The following LRMDA variants were observed in gnomAD, a reference collection of about 807,000 sequenced individuals.
LRMDA encodes leucine rich melanocyte differentiation associated, also known as leucine-rich melanocyte differentiation-associated protein.
In LRMDA, 18 loss-of-function variants were observed where a neutral mutation model predicts 29.8. That is an observed-to-expected ratio of 0.60 (90% CI 0.42 to 0.90). The LOEUF is 0.90. Ranked by LOEUF, LRMDA falls within the 40% of genes least tolerant of loss-of-function variation. LRMDA has a pLI of 0.00. For synonymous variants in LRMDA, 125 were observed against 109.4 expected (o/e 1.14, Z -0.89); for missense variants, 273 against 273.9 (o/e 1.00, Z 0.02).
intron 6 of LRMDA, among the ~76,000 whole-genome samples, chr10:76,532,300 C>A (rs1197218325): frequency 1.3e-5 from 2 of 152,150 alleles, no homozygotes; most frequent in African/African-American, 4.8e-5. Flanking sequence ...ATCATTGTGG[C>A]CATCACATAA....
chr10:75,780,487 G>T (rs1843368217), intron 2 of LRMDA, among the ~76,000 whole-genome samples: 1 of 152,198 alleles, frequency 6.6e-6, no homozygotes, highest in African/African-American at 2.4e-5. Context: ...GGAGCCATCA[G>T]GGAGACCACA....
chr10:75,649,910 T>C (rs1405618836), intron 2 of LRMDA, among the ~76,000 whole-genome samples: 1 of 152,232 alleles, frequency 6.6e-6, no homozygotes, highest in Non-Finnish European at 1.5e-5. Context: ...ATTGGCCATA[T>C]GCATATGTTT....
At chr10:75,858,316 A>C (rs1241323000) in intron 2 of LRMDA, among the ~76,000 whole-genome samples, 1 of 152,156 alleles carries the variant, frequency 6.6e-6, no homozygotes, top group Admixed American at 6.5e-5. Context: ...ACAAGCTAAA[A>C]TATATCCATA....
chr10:76,424,939 C>T (rs1000792303), intron 6 of LRMDA, among the ~76,000 whole-genome samples: 1 of 152,184 alleles, frequency 6.6e-6, no homozygotes, highest in Non-Finnish European at 1.5e-5. Context: ...TCTTCTAAAC[C>T]TTAACCCATC....
At position 76,559,747 on chromosome 10, in the gene LRMDA, C is replaced by T. The variant is rs1167677835; in HGVS notation, c.*2459C>T. 6.6e-6 allele frequency: 1 copy of T among 152,220 alleles called. No individual in the cohort carries two copies. Among genetic ancestry groups the T allele is most frequent in the African/African-American group, 2.4e-5 (1 of 41,460 alleles). 9.4% of individuals were successfully genotyped at this position (152,220 alleles called of 1,614,324 possible). ...GTACCCCCTTTACCCTTTGGTCTTT[C>T]TTCCTTTTATCCTATTCCACTGAGC... On this transcript the variant is annotated 3_prime_UTR_variant, in exon 7 of 7. Coordinates refer to ENST00000611255, the MANE Select transcript of LRMDA (RefSeq NM_001305581.2).
chr10:75,718,001 A>G (rs1194979232), intron 2 of LRMDA, among the ~76,000 whole-genome samples: 1 of 152,188 alleles, frequency 6.6e-6, no homozygotes, highest in East Asian at 1.9e-4. Flanking sequence ...AAAGCTTCCT[A>G]GTGGATGAAT....
At chr10:75,487,516 C>A (rs1309934751) in intron 2 of LRMDA, among the ~76,000 whole-genome samples, 2 of 152,170 alleles carry the variant, frequency 1.3e-5, no homozygotes, top group African/African-American at 4.8e-5. Context: ...CTGATGAAAT[C>A]ATGGTTTCGT....
rs1840120229 is a variant in LRMDA, at chr10:76,275,523, T to C, written c.517-48878T>C. Among the ~76,000 whole-genome samples the C allele has an allele frequency of 2.6e-5, 4 of 152,160 alleles. No individual in the cohort carries two copies. The South Asian group carries it at 8.3e-4, about 32-fold the overall frequency. On this transcript the variant is annotated intron_variant, in intron 5 of 6. Transcript: ENST00000611255. The stretch of plus-strand genomic sequence containing the variant: ...AAATTATCTAATTATTTTATTTTAT[T>C]TTTCATATGCATTCACTGTGATTAT...
intron 2 of LRMDA, among the ~76,000 whole-genome samples, chr10:75,856,702 A>C (rs115765719): frequency 6.6e-6 from 1 of 152,222 alleles, no homozygotes; most frequent in East Asian, 1.9e-4. Context: ...AGAGGTGTCT[A>C]TGACAAACCC....
intron 5 of LRMDA, among the ~76,000 whole-genome samples, chr10:76,073,932 G>T (rs932110776): frequency 1.3e-5 from 2 of 152,184 alleles, no homozygotes; most frequent in African/African-American, 4.8e-5. Flanking sequence ...ATTATTAGTG[G>T]CACGAAGTCC....
intron 6 of LRMDA, among the ~76,000 whole-genome samples, chr10:76,477,804 G>A (rs2132323386): frequency 6.6e-6 from 1 of 152,228 alleles, no homozygotes; most frequent in East Asian, 1.9e-4. Flanking sequence ...AATGGGGAAA[G>A]GATTCCCTAT....
chr10:76,441,375 T>G (rs927862145), intron 6 of LRMDA, among the ~76,000 whole-genome samples: 4 of 152,216 alleles, frequency 2.6e-5, no homozygotes, highest in Non-Finnish European at 1.5e-5. Flanking sequence ...ACTTACTATC[T>G]GTGAAACCTC....
At chr10:75,433,989 A>T (rs1323015012) in intron 1 of LRMDA, among the ~76,000 whole-genome samples, 1 of 152,048 alleles carries the variant, frequency 6.6e-6, no homozygotes, top group Non-Finnish European at 1.5e-5. Flanking sequence ...ATGCCTGGGG[A>T]TGTTGCAGTC....
intron 2 of LRMDA, among the ~76,000 whole-genome samples, chr10:75,556,330 A>G (rs1840212969): frequency 6.6e-6 from 1 of 152,196 alleles, no homozygotes; most frequent in Non-Finnish European, 1.5e-5. Context: ...CAGAAATAGC[A>G]AAGACAGTGG....
At chr10:76,133,184 A>T (rs1475542248) in intron 5 of LRMDA, among the ~76,000 whole-genome samples, 4 of 152,030 alleles carry the variant, frequency 2.6e-5, no homozygotes, top group African/African-American at 9.7e-5. Flanking sequence ...GGAAGTAAGG[A>T]AACCAAAACC....
intron 5 of LRMDA, among the ~76,000 whole-genome samples, chr10:76,087,262 T>G (rs986657141): frequency 2.1e-4 from 32 of 152,056 alleles, no homozygotes; most frequent in African/African-American, 7.7e-4. Flanking sequence ...GGCAGAACTG[T>G]TTGTTCTGTC....
chr10:75,928,930 A>G (rs887158307), intron 2 of LRMDA, among the ~76,000 whole-genome samples: 1 of 152,210 alleles, frequency 6.6e-6, no homozygotes, highest in African/African-American at 2.4e-5. Flanking sequence ...TCTGCTTTAC[A>G]TATTGGGACA....
At chr10:75,889,298 A>G (rs1160654440) in intron 2 of LRMDA, among the ~76,000 whole-genome samples, 2 of 152,200 alleles carry the variant, frequency 1.3e-5, no homozygotes, top group East Asian at 3.9e-4. Context: ...TGAAATTAGA[A>G]CCACCTTTAG....
chr10:75,473,668 G>C (rs1157278141), intron 2 of LRMDA, among the ~76,000 whole-genome samples: 5 of 152,208 alleles, frequency 3.3e-5, no homozygotes, highest in African/African-American at 1.2e-4. Context: ...ACATTTCTGT[G>C]GCTCAGTTTC....
Sources: gnomAD v4.1 joint callset for allele counts (sites outside exome capture counted in the v4.1 genomes callset) on GRCh38, gnomAD v4.1.1 for gene constraint, MANE v1.5 for transcripts, NCBI Gene and HGNC (gene_info 2026-07-23, HGNC 2026-07-21) for gene names.